Variants in PCDHA2 observed in about 807,000 individuals in gnomAD.
PCDHA2 encodes the protein protocadherin alpha-2.
PCDHA2 carries 58 observed loss-of-function variants against 66.0 expected under a neutral mutation model. That is an observed-to-expected ratio of 0.88 (90% confidence interval 0.71 to 1.09). The LOEUF (loss-of-function observed/expected upper bound fraction) is 1.09. PCDHA2 is among the 50% of genes least tolerant of loss of function. PCDHA2 has a pLI of 0.00. For synonymous variants in PCDHA2, 634 were observed against 554.0 expected, an observed-to-expected ratio of 1.14 and a Z score of -2.03; for missense variants, 1,267 against 1,242.3, an observed-to-expected ratio of 1.02 and a Z score of -0.30.
At chr5:140,805,363 C>G (rs1763551929) in intron 1 of PCDHA2, 1 of 1,169,738 alleles carries the variant, frequency 8.5e-7, no homozygotes, top group African/African-American at 1.6e-5. Context: ...TAGTTTGGGT[C>G]CCCACATAGT....
chr5:140,851,920 T>C (rs2042197222), intron 1 of PCDHA2: 1 of 967,994 alleles, frequency 1.0e-6, no homozygotes, highest in African/African-American at 1.8e-5. Context: ...CTACATGTTA[T>C]GTTTCCTGAA....
chr5:140,897,345 C>A (rs1291203410), intron 1 of PCDHA2, among the ~76,000 whole-genome samples: 2 of 126,562 alleles, frequency 1.6e-5, no homozygotes, highest in African/African-American at 6.0e-5. Flanking sequence ...CCCCCCACCC[C>A]ACAACTGTCC....
chr5:140,987,207 C>A (rs1475441121), intron 3 of PCDHA2, among the ~76,000 whole-genome samples: 1 of 148,672 alleles, frequency 6.7e-6, no homozygotes, highest in African/African-American at 2.5e-5. Context: ...GAGTGAGACT[C>A]CATCTCAAAA....
Position 140,796,652 on chromosome 5 carries a change from C to T in PCDHA2, c.1688C>T (p.Pro563Leu), listed in dbSNP as rs562978091. Residue 563 changes from proline (P) to leucine (L), a missense_variant, in exon 1 of 4, where the codon CCG (proline) becomes CTG (leucine). Coordinates refer to ENST00000526136, the MANE Select transcript of PCDHA2 (RefSeq NM_018905.3). ...VFVLDENDNAPALLAPRAGTA... is the reference protein window; with the variant it reads ...VFVLDENDNALALLAPRAGTA... Reference sequence around the variant, plus strand: ...GTGCTGGACGAGAACGACAACGCGCCGGCACTGTTGGCGCCTAGGGCTGGC... The same window carrying T: ...GTGCTGGACGAGAACGACAACGCGCTGGCACTGTTGGCGCCTAGGGCTGGC... 2.1e-5 allele frequency: 34 copies of T among 1,613,728 alleles called. No individual in the cohort carries two copies. The highest frequency in any genetic ancestry group is 2.2e-5 in the Non-Finnish European group (26 of 1,179,880).
In PCDHA2 at chr5:140,822,529, G is replaced by A. The variant is rs2150117025; in HGVS notation, c.2388+25177G>A. On this transcript the variant is annotated intron_variant, in intron 1 of 3. Coordinates refer to ENST00000526136, the MANE Select transcript of PCDHA2 (RefSeq NM_018905.3). ...ATCCATTTATAATGTCAGATTGTTGGAAAATGCACCAAGTGGGACATTAGT... is the reference window on the plus strand; with the variant it reads ...ATCCATTTATAATGTCAGATTGTTGAAAAATGCACCAAGTGGGACATTAGT... The A allele has an allele frequency of 3.7e-6, 6 of 1,613,816 alleles. No homozygotes were observed. In the East Asian group the frequency reaches 6.7e-5, roughly 18 times the overall value.
intron 1 of PCDHA2, among the ~76,000 whole-genome samples, chr5:140,905,949 A>T (rs897929607): frequency 2.0e-5 from 3 of 152,242 alleles, no homozygotes; most frequent in African/African-American, 7.2e-5. Context: ...TTGGAATCCG[A>T]TGTTCAAGGG....
intron 1 of PCDHA2, chr5:140,815,957 G>T (rs181036554): frequency 6.6e-6 from 1 of 152,242 alleles, no homozygotes; most frequent in African/African-American, 2.4e-5. Context: ...GTAGAGTTAG[G>T]GGTGTTCTTT....
intron 1 of PCDHA2, chr5:140,841,301 G>A (rs2150312964): frequency 2.0e-6 from 3 of 1,536,446 alleles, no homozygotes; most frequent in Admixed American, 3.9e-5. Flanking sequence ...AATATTTTCT[G>A]ATAGGAAACG....
In PCDHA2 at chr5:140,982,553, T is replaced by A. The variant is rs782605920; in HGVS notation, c.2526T>A (p.Ser842Arg). The A allele has an allele frequency of 1.9e-5, 30 of 1,614,054 alleles. No homozygotes were observed. In the South Asian group the frequency reaches 3.2e-4, roughly 17 times the overall value. ...GPDQQWPTVS[S>R]ATPEPEAGEV... ...ATCAGCAGTGGCCAACAGTATCCAG[T>A]GCAACACCAGGTAAAGAGCTGGGGT... The change falls in exon 3 of 4, where the codon AGT (serine) becomes AGA (arginine). Residue 842 changes from serine (S) to arginine (R), a missense_variant. Transcript: ENST00000526136.
chr5:140,795,300 G>GC lies in PCDHA2; in HGVS notation c.338dup (p.Leu114AlafsTer14). ...TCCACGTGGAGGTGATCGTGGACAG[G>GC]CCGCTGCAGGTTTTCCATGTGGAAG... On this transcript the variant is annotated frameshift_variant, in exon 1 of 4. Transcript: ENST00000526136. LOFTEE classifies it high-confidence loss of function. 1 of 1,614,256 alleles carries GC rather than the reference G, an allele frequency of 6.2e-7. No homozygotes were observed. The highest frequency in any genetic ancestry group is 8.5e-7 in the Non-Finnish European group (1 of 1,180,034).
chr5:140,829,810 T>G (rs144082627), intron 1 of PCDHA2: 1 of 1,613,750 alleles, frequency 6.2e-7, no homozygotes, highest in African/African-American at 1.3e-5. Flanking sequence ...TGGGTGGTAC[T>G]GGTGGTGCAG....
At chr5:140,874,310 T>G (rs1466164009) in intron 1 of PCDHA2, among the ~76,000 whole-genome samples, 1 of 151,992 alleles carries the variant, frequency 6.6e-6, no homozygotes, top group Non-Finnish European at 1.5e-5. Context: ...TCACAATGAG[T>G]TGTAGGATCT....
chr5:140,912,445 A>C (rs1165607499), intron 1 of PCDHA2, among the ~76,000 whole-genome samples: 1 of 151,772 alleles, frequency 6.6e-6, no homozygotes, highest in African/African-American at 2.4e-5. Flanking sequence ...ATTTGTGTGC[A>C]TTGATTTTGT....
Position 140,951,753 on chromosome 5 carries a change from C to T in PCDHA2, c.2389-27196C>T, listed in dbSNP as rs140119406. ...ATTCTGCCACTGCCCTCACCCTCCGCGAAATCTCATGACGTTCTTACATTG... is the reference window on the plus strand; with the variant it reads ...ATTCTGCCACTGCCCTCACCCTCCGTGAAATCTCATGACGTTCTTACATTG... On this transcript the variant is annotated intron_variant, in intron 1 of 3. Transcript: ENST00000526136. Among the ~76,000 whole-genome samples the T allele has an allele frequency of 7.0e-3, 1,059 of 152,208 alleles. 11 individuals are homozygous for T. The highest frequency in any genetic ancestry group is 0.014 in the Admixed American group (209 of 15,290).
intron 1 of PCDHA2, chr5:140,860,649 AG>A (rs2046495256): frequency 1.3e-5 from 2 of 152,282 alleles, no homozygotes; most frequent in Non-Finnish European, 2.9e-5. Context: ...GAAGAAGATA[AG>A]TGAAATAATA....
intron 1 of PCDHA2, chr5:140,797,592 T>G: frequency 3.5e-6 from 2 of 571,632 alleles, no homozygotes; most frequent in South Asian, 5.0e-5. Flanking sequence ...TCATAAGTAA[T>G]AGACCATGAA....
chr5:140,903,524 A>T (rs2070355065), intron 1 of PCDHA2, among the ~76,000 whole-genome samples: 1 of 152,156 alleles, frequency 6.6e-6, no homozygotes, highest in Non-Finnish European at 1.5e-5. Flanking sequence ...TGTGTTGTTC[A>T]CTTTAAACTA....
intron 3 of PCDHA2, among the ~76,000 whole-genome samples, chr5:141,004,888 G>C (rs555046086): frequency 2.0e-5 from 3 of 152,132 alleles, no homozygotes; most frequent in Admixed American, 6.5e-5. Flanking sequence ...GTGCTATTGT[G>C]TCAGCTCTGC....
At chr5:140,835,561 T>A (rs1304711365) in intron 1 of PCDHA2, 6 of 1,613,806 alleles carry the variant, frequency 3.7e-6, no homozygotes, top group Admixed American at 1.7e-5. Context: ...ACGCCCCGCG[T>A]TCCCTTCAAG....
Sources: allele counts gnomAD v4.1 joint callset (sites outside exome capture counted in the v4.1 genomes callset), GRCh38; gene constraint gnomAD v4.1.1; transcripts MANE v1.5; gene names NCBI Gene and HGNC (gene_info 2026-07-23, HGNC 2026-07-21).